The following SIPA1L1 variants were observed in gnomAD, a reference collection of about 807,000 sequenced individuals.
The protein encoded by SIPA1L1 is signal-induced proliferation-associated 1-like protein 1.
In SIPA1L1, 26 loss-of-function variants were observed where a neutral mutation model predicts 162.7. The observed-to-expected ratio is 0.16, with a 90% CI of 0.12 to 0.22. SIPA1L1 has a LOEUF of 0.22. Among genes scored for constraint, SIPA1L1 ranks in the 10% least tolerant of loss-of-function variants. The pLI, the probability that SIPA1L1 is intolerant of heterozygous loss-of-function variation, is 1.00. For synonymous variants in SIPA1L1, 829 were observed against 837.4 expected (o/e 0.99, Z 0.17); for missense variants, 1,874 against 2,241.0 (o/e 0.84, Z 3.31).
rs188069866 is a variant in SIPA1L1 at position 71,451,070 on chromosome 14, C to T, written c.-464-61673C>T. Among the ~76,000 whole-genome samples, 10 of 151,854 alleles carry T rather than the reference C, an allele frequency of 6.6e-5. No individual in the cohort carries two copies. The South Asian group carries it at 1.5e-3, about 22-fold the overall frequency. On this transcript the variant is annotated intron_variant, in intron 2 of 23. Transcript: ENST00000381232. ...TATACACAATGGAATACTGTATAGC[C>T]GTAAAAAAGAAGGAAATGCTTTCAT...
intron 7 of SIPA1L1, among the ~76,000 whole-genome samples, chr14:71,637,666 G>C (rs1316817753): frequency 1.3e-5 from 2 of 151,948 alleles, no homozygotes; most frequent in East Asian, 3.9e-4. Context: ...GGAGGCTTCA[G>C]TGAACCATGG....
At chr14:71,596,851 T>G (rs1376045995) in intron 5 of SIPA1L1, among the ~76,000 whole-genome samples, 1 of 152,230 alleles carries the variant, frequency 6.6e-6, no homozygotes, top group Non-Finnish European at 1.5e-5. Context: ...TTCTTTTTAT[T>G]TTTGTTCTGT....
At chr14:71,717,666 G>C (rs191366366) in intron 17 of SIPA1L1, among the ~76,000 whole-genome samples, 4 of 152,268 alleles carry the variant, frequency 2.6e-5, no homozygotes, top group Admixed American at 2.0e-4. Flanking sequence ...CATGGTAGTT[G>C]TATTGTAATT....
rs35168627 is a variant in SIPA1L1 at position 71,728,735 on chromosome 14, T to C, written c.4615-1320T>C. ...CTTTCAACCAGCAGTGACACCCTCC[T>C]CACATCTTCACCTGTTCTCCACATC... On this transcript the variant is annotated intron_variant, in intron 19 of 23. Coordinates refer to ENST00000381232, the MANE Select transcript of SIPA1L1 (RefSeq NM_001386936.1). 7.0e-3 allele frequency among the ~76,000 whole-genome samples: 1,068 copies of C among 152,358 alleles called. 5 individuals carry two copies. Among genetic ancestry groups the C allele is most frequent in the Non-Finnish European group, 0.011 (764 of 68,030 alleles).
chr14:71,609,295 G>C (rs1016881711), intron 5 of SIPA1L1, among the ~76,000 whole-genome samples: 1 of 152,016 alleles, frequency 6.6e-6, no homozygotes, highest in Non-Finnish European at 1.5e-5. Context: ...TTGAGACTGG[G>C]TCTTGCTCTG....
At chr14:71,337,627 C>T (rs1173591535) in intron 2 of SIPA1L1, among the ~76,000 whole-genome samples, 1 of 152,152 alleles carries the variant, frequency 6.6e-6, no homozygotes, top group African/African-American at 2.4e-5. Context: ...CAATTATCTC[C>T]CACCGGCTCC....
chr14:71,700,276 G>T (rs2081984560), intron 14 of SIPA1L1, among the ~76,000 whole-genome samples: 1 of 151,562 alleles, frequency 6.6e-6, no homozygotes. Context: ...TGGGCACTGT[G>T]GTCCCATATA....
At position 71,661,427 on chromosome 14, in the gene SIPA1L1, G is replaced by A. The variant is rs200003308; in HGVS notation, c.2215G>A (p.Val739Ile). 1.3e-4 allele frequency: 207 copies of A among 1,613,858 alleles called. 1 individual carries two copies. Among genetic ancestry groups the A allele is most frequent in the Middle Eastern group, 3.3e-4 (2 of 6,084 alleles). ...CCACTTCCAGCACGTTTTCGTCATC[G>A]TCAGGGTGCACAATCCGTGCTCTGA... The part of the protein sequence containing the change: ...RSHFQHVFVI[V>I]RVHNPCSDSV... The change falls in exon 10 of 24, where the codon GTC becomes ATC. Residue 739 changes from valine (V) to isoleucine (I), a missense_variant. Around this residue, in one of 5 missense-constraint regions of SIPA1L1, gnomAD observed 243 missense variants for 315.0 expected, o/e 0.77. Transcript: ENST00000381232.
At chr14:71,601,601 C>T (rs1044795999) in intron 5 of SIPA1L1, among the ~76,000 whole-genome samples, 1 of 152,054 alleles carries the variant, frequency 6.6e-6, no homozygotes, top group South Asian at 2.1e-4. Context: ...TAATGCTGAC[C>T]TCATAGAATG....
chr14:71,408,556 C>T (rs779272993), intron 2 of SIPA1L1, among the ~76,000 whole-genome samples: 2 of 152,196 alleles, frequency 1.3e-5, no homozygotes, highest in Admixed American at 1.3e-4. Flanking sequence ...TGGGGACTCT[C>T]GCTCGAGGAT....
chr14:71,391,103 C>CTT (rs36003254), intron 2 of SIPA1L1, among the ~76,000 whole-genome samples: 6,633 of 108,356 alleles, frequency 0.061, 600 homozygotes, highest in African/African-American at 0.15. Flanking sequence ...TATTCAGTAT[C>CTT]TTTTTTTTTT....
chr14:71,710,644 C>CTAA (rs1458253500), intron 17 of SIPA1L1, among the ~76,000 whole-genome samples: 2 of 151,902 alleles, frequency 1.3e-5, no homozygotes, highest in African/African-American at 4.8e-5. Context: ...CCCGTCTCTA[C>CTAA]TAAAAGTACA....
chr14:71,659,293 G>T (rs2149219815), intron 9 of SIPA1L1, among the ~76,000 whole-genome samples: 1 of 152,300 alleles, frequency 6.6e-6, no homozygotes, highest in Admixed American at 6.5e-5. Context: ...GCCAGCTGCA[G>T]AATGAATCAC....
chr14:71,466,668 C>A (rs1050454551), intron 2 of SIPA1L1, among the ~76,000 whole-genome samples: 2 of 150,928 alleles, frequency 1.3e-5, no homozygotes, highest in Admixed American at 6.6e-5. Flanking sequence ...CAAAATGGTA[C>A]CTAAAGTGGA....
At chr14:71,595,228 CAT>C (rs1467930606) in intron 5 of SIPA1L1, among the ~76,000 whole-genome samples, 1 of 152,204 alleles carries the variant, frequency 6.6e-6, no homozygotes, top group Non-Finnish European at 1.5e-5. Flanking sequence ...AAGAGCCAGT[CAT>C]ATAAAAACAG....
At chr14:71,638,492 T>A (rs1371341407) in intron 7 of SIPA1L1, among the ~76,000 whole-genome samples, 1 of 152,354 alleles carries the variant, frequency 6.6e-6, no homozygotes, top group Admixed American at 6.5e-5. Context: ...TTTGAACTTA[T>A]TTATGATAAA....
At position 71,643,847 on chromosome 14, in the gene SIPA1L1, G is replaced by T. The variant is rs1013333936; in HGVS notation, c.1819-6488G>T. On this transcript the variant is annotated intron_variant, in intron 7 of 23. Coordinates refer to ENST00000381232, the MANE Select transcript of SIPA1L1 (RefSeq NM_001386936.1). ...TTTTGAAATGGAGTCTCACTCTGTC[G>T]CCCAGGCTGGAGTGCAGTGGCACGA... 2.0e-5 allele frequency among the ~76,000 whole-genome samples: 3 copies of T among 152,088 alleles called. No homozygotes were observed. In the South Asian group the frequency reaches 6.2e-4, roughly 32 times the overall value.
At chr14:71,646,906 A>G (rs906925132) in intron 7 of SIPA1L1, among the ~76,000 whole-genome samples, 8 of 152,220 alleles carry the variant, frequency 5.3e-5, no homozygotes, top group Non-Finnish European at 1.0e-4. Context: ...GAGACAATAA[A>G]TACTGTTTTA....
At chr14:71,388,301 A>G (rs1287591770) in intron 2 of SIPA1L1, among the ~76,000 whole-genome samples, 1 of 152,242 alleles carries the variant, frequency 6.6e-6, no homozygotes, top group Non-Finnish European at 1.5e-5. Flanking sequence ...TCTACCATCT[A>G]GACTTTAATT....
Sources: gnomAD v4.1 joint callset for allele counts (sites outside exome capture counted in the v4.1 genomes callset) on GRCh38, gnomAD v4.1.1 for gene constraint, gnomAD v4.1.1 regional missense constraint, MANE v1.5 for transcripts, NCBI Gene and HGNC (gene_info 2026-07-23, HGNC 2026-07-21) for gene names.